The following ZFTA variants were observed in gnomAD, a reference collection of about 807,000 sequenced individuals.
ZFTA encodes zinc finger translocation associated.
ZFTA carries 35 observed loss-of-function variants against 41.8 expected under a neutral mutation model. The ratio of observed to expected loss-of-function variants is 0.84; its 90% CI spans 0.64 to 1.11. The LOEUF (loss-of-function observed/expected upper bound fraction) is 1.11, where lower values mean the gene tolerates loss of function less well. ZFTA is among the 50% of genes most tolerant of loss of function. ZFTA has a pLI of 0.00. For synonymous variants in ZFTA, 514 were observed against 436.4 expected (o/e 1.18, Z -2.22); for missense variants, 964 against 989.8 (o/e 0.97, Z 0.35).
Position 63,760,722 on chromosome 11 carries a change from T to A in ZFTA, c.*2696A>T, listed in dbSNP as rs1264356636. Reference sequence around the variant, plus strand: ...TGGAATCACTACCGCAGCCCTTCCCTTTCACTGGTGCCCGGCACTTCAGCT... The same window carrying A: ...TGGAATCACTACCGCAGCCCTTCCCATTCACTGGTGCCCGGCACTTCAGCT... On this transcript the variant is annotated 3_prime_UTR_variant, in exon 5 of 5. Coordinates refer to ENST00000433688, the MANE Select transcript of ZFTA (RefSeq NM_001144936.2). 2.0e-5 allele frequency: 3 copies of A among 152,240 alleles called. No homozygotes were observed. The highest frequency in any genetic ancestry group is 2.9e-5 in the Non-Finnish European group (2 of 68,058). 9.4% of individuals were successfully genotyped at this position (152,240 alleles called of 1,614,324 possible). A position where few individuals can be genotyped will look rare whatever the true frequency, so the allele number is the denominator to read the frequency against.
At position 63,765,521 on chromosome 11, in the gene ZFTA, A is replaced by C; in HGVS notation, c.638-267T>G. Among the ~76,000 whole-genome samples, 1 of 148,158 alleles carries C rather than the reference A, an allele frequency of 6.7e-6. No homozygotes were observed. The highest frequency in any genetic ancestry group is 2.0e-4 in the East Asian group (1 of 5,008). On this transcript the variant is annotated intron_variant, in intron 2 of 4. Transcript: ENST00000433688. The surrounding 1 kb of genome is among the most constrained non-coding windows in gnomAD (Gnocchi z 4.0). ...CCAGCACCCTCCCCTTCCCTCACCC[A>C]CCCCAGCCAGGCCTCCCTGCTCCAA...
chr11:63,764,398 G>C lies in ZFTA; in HGVS notation c.1225C>G (p.Pro409Ala). ...TGGCGGCGGTGGGCGCGGCCCCGCGGCGACCGGCCCGGGACCCCCGCCCTC... is the reference window on the plus strand; with the variant it reads ...TGGCGGCGGTGGGCGCGGCCCCGCGCCGACCGGCCCGGGACCCCCGCCCTC... Reference protein sequence around the residue: ...GERAGVPGRSPRGRAHRRHPQ... With the variant: ...GERAGVPGRSARGRAHRRHPQ... The change falls in exon 4 of 5, where the codon CCG becomes GCG. Residue 409 changes from proline (P) to alanine (A), a missense_variant. Around this residue, in one of 5 missense-constraint regions of ZFTA, gnomAD observed 584 missense variants for 523.1 expected, o/e 1.12. Transcript: ENST00000433688. The C allele has an allele frequency of 7.7e-7, 1 of 1,296,478 alleles. No homozygotes were observed. Among genetic ancestry groups the C allele is most frequent in the Non-Finnish European group, 9.7e-7 (1 of 1,026,124 alleles). The allele number at this position is 1,296,478 out of a possible 1,614,324, so 80.3% of individuals were successfully genotyped here.
chr11:63,766,428 C>A, intron 1 of ZFTA, 124 bp from the exon 2 acceptor site: 2 of 1,081,026 alleles, frequency 1.9e-6, no homozygotes, highest in Non-Finnish European at 2.5e-6. Context: ...AGGAAAGGGA[C>A]GGCAACAGCA....
In ZFTA at chr11:63,764,134, A is replaced by T; in HGVS notation, c.1489T>A (p.Ser497Thr). The change falls in exon 4 of 5, where the codon TCC becomes ACC. Residue 497 changes from serine (S) to threonine (T), a missense_variant. Ser to Thr is a moderately conservative substitution (Grantham distance 58). Coordinates refer to ENST00000433688, the MANE Select transcript of ZFTA (RefSeq NM_001144936.2). ...CCGGGGGGGATGGGGCCCTGGGGGGACTCGGGGCGGGGCGGCCCCAGGGCC... is the reference window on the plus strand; with the variant it reads ...CCGGGGGGGATGGGGCCCTGGGGGGTCTCGGGGCGGGGCGGCCCCAGGGCC... ...LLALGPPRPE[S>T]PQGPIPPGTA... 1 of 1,310,424 alleles carries T rather than the reference A, an allele frequency of 7.6e-7. No homozygotes were observed. Among genetic ancestry groups the T allele is most frequent in the Non-Finnish European group, 9.7e-7 (1 of 1,034,560 alleles). The allele number at this position is 1,310,424 out of a possible 1,614,324, so 81.2% of individuals were successfully genotyped here. A position where few individuals can be genotyped will look rare whatever the true frequency, so the allele number is the denominator to read the frequency against.
At position 63,768,593 on chromosome 11, in the gene ZFTA, C is replaced by T; in HGVS notation, c.30G>A (p.Arg10=). The T allele has an allele frequency of 5.8e-6, 6 of 1,037,062 alleles. No individual in the cohort carries two copies. Among genetic ancestry groups the T allele is most frequent in the Non-Finnish European group, 6.9e-6 (6 of 866,384 alleles). 64.2% of individuals were successfully genotyped at this position (1,037,062 alleles called of 1,614,324 possible). MEPGGDHRS[R]SSGGRGGPGP... ...CGGGGCCGCCCCTGCCGCCGCTGCT[C>T]CGGCTCCGGTGGTCCCCGCCGGGCT... The change falls in exon 1 of 5, where the codon CGG becomes CGA. Residue 10 remains arginine, a synonymous_variant. Coordinates refer to ENST00000433688, the MANE Select transcript of ZFTA (RefSeq NM_001144936.2).
Position 63,765,289 on chromosome 11 carries a change from G to A in ZFTA, c.638-35C>T, listed in dbSNP as rs751020670. The A allele has an allele frequency of 4.2e-6, 6 of 1,427,404 alleles. No homozygotes were observed. The African/African-American group carries it at 7.4e-5, about 18-fold the overall frequency. The allele number at this position is 1,427,404 out of a possible 1,614,324, so 88.4% of individuals were successfully genotyped here. On this transcript the variant is annotated intron_variant, in intron 2 of 4. Transcript: ENST00000433688. This position sits in a 1 kb window ranked among gnomAD's most constrained non-coding sequence, Gnocchi z 4.0. ...TTGGAGGGAAGGAACTGAGACGCTG[G>A]CCCCACGGGAGCATACCCACTACAG... is the stretch of plus-strand genomic sequence containing the variant.
At position 63,765,247 on chromosome 11, in the gene ZFTA, G is replaced by C; in HGVS notation, c.645C>G (p.Ala215=). 1 of 1,451,168 alleles carries C rather than the reference G, an allele frequency of 6.9e-7. No individual in the cohort carries two copies. The allele number at this position is 1,451,168 out of a possible 1,614,324, so 89.9% of individuals were successfully genotyped here. ...PACPPKGPGK[A]PAGGGCRRQR... Reference sequence around the variant, plus strand: ...GGCGCCGGCAGCCCCCACCAGCTGGGGCTTTGCCTGAAAGGGTTGGAGGGA... The same window carrying C: ...GGCGCCGGCAGCCCCCACCAGCTGGCGCTTTGCCTGAAAGGGTTGGAGGGA... The change falls in exon 3 of 5, where the codon GCC becomes GCG. Residue 215 remains alanine, a synonymous_variant. Coordinates refer to ENST00000433688, the MANE Select transcript of ZFTA (RefSeq NM_001144936.2). The surrounding 1 kb of genome is among the most constrained non-coding windows in gnomAD (Gnocchi z 4.0).
At position 63,764,556 on chromosome 11, in the gene ZFTA, T is replaced by A; in HGVS notation, c.1067A>T (p.Asp356Val). ...GGGGGCTCCAGCAGCGGAGGCCGAGTCCCGGCTCTTTCCGGTCAGGTCCTG... is the reference window on the plus strand; with the variant it reads ...GGGGGCTCCAGCAGCGGAGGCCGAGACCCGGCTCTTTCCGGTCAGGTCCTG... ...APQDLTGKSR[D>V]SASAAGAPSS... Residue 356 changes from aspartate (D) to valine (V), a missense_variant, in exon 4 of 5, where the codon GAC (aspartate) becomes GTC (valine). Asp to Val is a radical substitution (Grantham distance 152). Transcript: ENST00000433688. 1 of 1,254,224 alleles carries A rather than the reference T, an allele frequency of 8.0e-7. No individual in the cohort carries two copies. The allele number at this position is 1,254,224 out of a possible 1,614,324, so 77.7% of individuals were successfully genotyped here. A position where few individuals can be genotyped will look rare whatever the true frequency, so the allele number is the denominator to read the frequency against.
At position 63,764,304 on chromosome 11, in the gene ZFTA, CCGCACACCA is replaced by C. The variant is rs1435459710; in HGVS notation, c.1310_1318del (p.Leu437_Gly440delinsArg). 7.0e-7 allele frequency: 1 copy of C among 1,422,206 alleles called. No homozygotes were observed. Among genetic ancestry groups the C allele is most frequent in the Non-Finnish European group, 9.1e-7 (1 of 1,093,354 alleles). The allele number at this position is 1,422,206 out of a possible 1,614,324, so 88.1% of individuals were successfully genotyped here. A position where few individuals can be genotyped will look rare whatever the true frequency, so the allele number is the denominator to read the frequency against. The stretch of plus-strand genomic sequence containing the variant: ...CGAGGCCAGCGCGCCCCCGCACACC[CCGCACACCA>C]GGCCGCGCCGGCCGCCGTCCAACTC... On this transcript the variant is annotated inframe_deletion, in exon 4 of 5. Transcript: ENST00000433688.
Position 63,763,341 on chromosome 11 carries a change from C to A in ZFTA, c.*77G>T. On this transcript the variant is annotated 3_prime_UTR_variant, in exon 5 of 5. Transcript: ENST00000433688. ...ACACCGGACGCGAGGGTCTCCCAGC[C>A]GAAGGGCCGGGCGAGCACAGGGCGG... is the stretch of plus-strand genomic sequence containing the variant. 1 of 1,083,642 alleles carries A rather than the reference C, an allele frequency of 9.2e-7. No homozygotes were observed. The highest frequency in any genetic ancestry group is 1.1e-6 in the Non-Finnish European group (1 of 879,276). The allele number at this position is 1,083,642 out of a possible 1,614,324, so 67.1% of individuals were successfully genotyped here. A position where few individuals can be genotyped will look rare whatever the true frequency, so the allele number is the denominator to read the frequency against.
rs1325929159 is a variant in ZFTA, at chr11:63,763,854, G to T, written c.1601C>A (p.Ser534Tyr). The T allele has an allele frequency of 7.0e-7, 1 of 1,428,082 alleles. No individual in the cohort carries two copies. The highest frequency in any genetic ancestry group is 9.2e-7 in the Non-Finnish European group (1 of 1,091,448). 88.5% of individuals were successfully genotyped at this position (1,428,082 alleles called of 1,614,324 possible). ...EEEEWGDVPL[S>Y]PGAPLERPAE... ...GGGCCGCTCCAAGGGAGCTCCAGGG[G>T]ACAGCGGAACGTCGCCTAAGGAGGG... The change falls in exon 5 of 5, where the codon TCC (serine) becomes TAC (tyrosine). Residue 534 changes from serine to tyrosine, a missense_variant. Physicochemically the swap from Ser to Tyr is moderately radical, Grantham distance 144. Around this residue, in one of 5 missense-constraint regions of ZFTA, gnomAD observed 584 missense variants for 523.1 expected, o/e 1.12. Coordinates refer to ENST00000433688, the MANE Select transcript of ZFTA (RefSeq NM_001144936.2).
rs1310852265 is a variant in ZFTA, at chr11:63,763,727, C to T, written c.1728G>A (p.Glu576=). The T allele has an allele frequency of 2.0e-6, 3 of 1,511,692 alleles. No individual in the cohort carries two copies. The East Asian group carries it at 7.8e-5, about 39-fold the overall frequency. The allele number at this position is 1,511,692 out of a possible 1,614,324, so 93.6% of individuals were successfully genotyped here. Reference sequence around the variant, plus strand: ...ACCGCGGCTGGTAGTTCCGCCGCTGCTCCCGGCTGCGGGGCGGGGGCGGAG... The same window carrying T: ...ACCGCGGCTGGTAGTTCCGCCGCTGTTCCCGGCTGCGGGGCGGGGGCGGAG... ...PPPPPPPRSR[E]QRRNYQPRWR... Residue 576 remains glutamate (E), a synonymous_variant, in exon 5 of 5, where the codon GAG becomes GAA. Transcript: ENST00000433688.
rs1485507166 is a variant in ZFTA, at chr11:63,768,387, C to A, written c.139+97G>T. On this transcript the variant is annotated intron_variant, in intron 1 of 4. Coordinates refer to ENST00000433688, the MANE Select transcript of ZFTA (RefSeq NM_001144936.2). Reference sequence around the variant, plus strand: ...GCGCCCCCGGCCGCCCTGCCCGCGTCCCCCGCTTTGTTCGGCGGCGGAGAG... The same window carrying A: ...GCGCCCCCGGCCGCCCTGCCCGCGTACCCCGCTTTGTTCGGCGGCGGAGAG... 4 of 787,120 alleles carry A rather than the reference C, an allele frequency of 5.1e-6. No homozygotes were observed. In the African/African-American group the frequency reaches 5.7e-5, roughly 11 times the overall value. 48.8% of individuals were successfully genotyped at this position (787,120 alleles called of 1,614,324 possible).
Position 63,768,753 on chromosome 11 carries a change from G to C in ZFTA, c.-131C>G, listed in dbSNP as rs1449552906. The C allele has an allele frequency of 8.6e-6, 2 of 232,822 alleles. No homozygotes were observed. The highest frequency in any genetic ancestry group is 1.9e-4 in the East Asian group (1 of 5,382). The allele number at this position is 232,822 out of a possible 1,614,324, so 14.4% of individuals were successfully genotyped here. On this transcript the variant is annotated 5_prime_UTR_variant, in exon 1 of 5. Coordinates refer to ENST00000433688, the MANE Select transcript of ZFTA (RefSeq NM_001144936.2). ...GCATGCACGGGGCGGCCGGCCGCAC[G>C]GACGGCAGGCTGCTCGCTCGGCGGC...
rs769007592 is a variant in ZFTA at position 63,765,065 on chromosome 11, T to C, written c.827A>G (p.Tyr276Cys). ...CACCAGCCGGTTCCCCCGCGGGTCA[T>C]AGTCCATGAGACACTCGGCCCGGAA... ...NWFRAECLMD[Y>C]DPRGNRLVCM... The change falls in exon 3 of 5, where the codon TAT (tyrosine) becomes TGT (cysteine). Residue 276 changes from tyrosine (Y) to cysteine (C), a missense_variant. Physicochemically the swap from Tyr to Cys is radical, Grantham distance 194. Coordinates refer to ENST00000433688, the MANE Select transcript of ZFTA (RefSeq NM_001144936.2). The surrounding 1 kb of genome is among the most constrained non-coding windows in gnomAD (Gnocchi z 4.0). 1.0e-5 allele frequency: 16 copies of C among 1,548,850 alleles called. No homozygotes were observed. The Admixed American group carries it at 1.4e-4, about 13-fold the overall frequency.
rs542969675 is a variant in ZFTA, at chr11:63,762,679, C to A, written c.*739G>T. ...TGCTAATCCCTTTACAAGAGCTTTCCTGGAGGGCGTGGCAGCGGCCTGGGA... is the reference window on the plus strand; with the variant it reads ...TGCTAATCCCTTTACAAGAGCTTTCATGGAGGGCGTGGCAGCGGCCTGGGA... On this transcript the variant is annotated 3_prime_UTR_variant, in exon 5 of 5. Coordinates refer to ENST00000433688, the MANE Select transcript of ZFTA (RefSeq NM_001144936.2). 1 of 152,480 alleles carries A rather than the reference C, an allele frequency of 6.6e-6. No individual in the cohort carries two copies. The highest frequency in any genetic ancestry group is 1.9e-4 in the East Asian group (1 of 5,180). The allele number at this position is 152,480 out of a possible 1,614,324, so 9.4% of individuals were successfully genotyped here.
In ZFTA at chr11:63,768,502, G is replaced by A; in HGVS notation, c.121C>T (p.Pro41Ser). 1 of 1,207,398 alleles carries A rather than the reference G, an allele frequency of 8.3e-7. No homozygotes were observed. 74.8% of individuals were successfully genotyped at this position (1,207,398 alleles called of 1,614,324 possible). Reference protein sequence around the residue: ...PPAGSSGSAEPEEDEGGQDLQ... With the variant: ...PPAGSSGSAESEEDEGGQDLQ... ...CTCTTACCGCCTTCGTCTTCCTCTGGCTCCGCGCTGCCGCTCGATCCGGCG... is the reference window on the plus strand; with the variant it reads ...CTCTTACCGCCTTCGTCTTCCTCTGACTCCGCGCTGCCGCTCGATCCGGCG... Residue 41 changes from proline to serine, a missense_variant, in exon 1 of 5, where the codon CCA becomes TCA. By Grantham distance (74) the Pro-to-Ser change is moderately conservative. Coordinates refer to ENST00000433688, the MANE Select transcript of ZFTA (RefSeq NM_001144936.2).
chr11:63,764,117 G>C lies in ZFTA; in HGVS notation c.1506C>G (p.Ile502Met), dbSNP rs563153953. The part of the protein sequence containing the change: ...PPRPESPQGP[I>M]PPGTAAASDE... ...CGGAGGCTGCGGCAGTGCCGGGGGG[G>C]ATGGGGCCCTGGGGGGACTCGGGGC... The change falls in exon 4 of 5, where the codon ATC becomes ATG. Residue 502 changes from isoleucine (I) to methionine (M), a missense_variant. Ile to Met is a conservative substitution (Grantham distance 10). Coordinates refer to ENST00000433688, the MANE Select transcript of ZFTA (RefSeq NM_001144936.2). 6 of 1,344,426 alleles carry C rather than the reference G, an allele frequency of 4.5e-6. No homozygotes were observed. Among genetic ancestry groups the C allele is most frequent in the Non-Finnish European group, 4.7e-6 (5 of 1,053,586 alleles). The allele number at this position is 1,344,426 out of a possible 1,614,324, so 83.3% of individuals were successfully genotyped here.
In ZFTA at chr11:63,765,716, A is replaced by G; in HGVS notation, c.637+91T>C. The G allele has an allele frequency of 7.1e-7, 1 of 1,416,388 alleles. No individual in the cohort carries two copies. The highest frequency in any genetic ancestry group is 9.2e-7 in the Non-Finnish European group (1 of 1,086,876). 87.7% of individuals were successfully genotyped at this position (1,416,388 alleles called of 1,614,324 possible). A position where few individuals can be genotyped will look rare whatever the true frequency, so the allele number is the denominator to read the frequency against. On this transcript the variant is annotated intron_variant, in intron 2 of 4. Coordinates refer to ENST00000433688, the MANE Select transcript of ZFTA (RefSeq NM_001144936.2). The surrounding 1 kb of genome is among the most constrained non-coding windows in gnomAD (Gnocchi z 4.0). ...CCAGAGGAGGAGCAGTGCCTTGCTC[A>G]AGAACACCAGCTCCTTGGCAGAGCA... is the stretch of plus-strand genomic sequence containing the variant.
Sources: gnomAD v4.1 joint callset for allele counts (sites outside exome capture counted in the v4.1 genomes callset) on GRCh38, gnomAD v4.1.1 for gene constraint, gnomAD v4.1.1 regional missense constraint, Gnocchi (gnomAD v3.1) non-coding constraint, MANE v1.5 for transcripts, NCBI Gene and HGNC (gene_info 2026-07-23, HGNC 2026-07-21) for gene names.